PCDHA9: variants seen among roughly 807,000 people sequenced by gnomAD.
PCDHA9 encodes the protein protocadherin alpha-9.
In PCDHA9, 62 loss-of-function variants were observed where a neutral mutation model predicts 62.0. That is an observed-to-expected ratio of 1.00 (90% CI 0.81 to 1.23). The LOEUF is 1.23. Ranked by LOEUF, PCDHA9 falls within the 50% of genes most tolerant of loss-of-function variation. The pLI, the probability that PCDHA9 is intolerant of heterozygous loss-of-function variation, is 0.00. For synonymous variants in PCDHA9, 557 were observed against 567.6 expected (o/e 0.98, Z 0.27); for missense variants, 1,205 against 1,249.8 (o/e 0.96, Z 0.54).
intron 1 of PCDHA9, among the ~76,000 whole-genome samples, chr5:140,917,324 C>CGGGGGGCG (rs1299895515): frequency 1.3e-5 from 1 of 76,124 alleles, no homozygotes; most frequent in Non-Finnish European, 2.9e-5. Context: ...GTTCATGTGG[C>CGGGGGGCG]GGGGGAGGGG....
chr5:140,851,914 A>C (rs1213624827), intron 1 of PCDHA9: 2 of 969,578 alleles, frequency 2.1e-6, no homozygotes, highest in East Asian at 2.3e-4. Context: ...ATGTCACTAC[A>C]TGTTATGTTT....
chr5:140,978,571 A>G (rs891123704), intron 1 of PCDHA9, among the ~76,000 whole-genome samples: 5 of 152,208 alleles, frequency 3.3e-5, no homozygotes, highest in African/African-American at 1.2e-4. Flanking sequence ...TGTAATACTG[A>G]ATTGGGAATG....
At chr5:140,866,291 T>A (rs1193667769) in intron 1 of PCDHA9, 1 of 152,138 alleles carries the variant, frequency 6.6e-6, no homozygotes, top group Non-Finnish European at 1.5e-5. Flanking sequence ...TTGGGACAAG[T>A]ATAGATGTTG....
chr5:140,929,480 G>C, intron 1 of PCDHA9: 1 of 1,195,420 alleles, frequency 8.4e-7, no homozygotes, highest in Non-Finnish European at 1.1e-6. Context: ...TGGAAGTATA[G>C]AAGTATTAGA....
At chr5:140,997,044 T>C (rs2097756836) in intron 3 of PCDHA9, among the ~76,000 whole-genome samples, 1 of 152,180 alleles carries the variant, frequency 6.6e-6, no homozygotes, top group South Asian at 2.1e-4. Flanking sequence ...TGAACTTTAC[T>C]TTTTAGAGCA....
In PCDHA9 at chr5:140,961,349, T is replaced by C. The variant is rs1352312577; in HGVS notation, c.2395-17600T>C. Among the ~76,000 whole-genome samples the C allele has an allele frequency of 2.0e-5, 3 of 152,204 alleles. No individual in the cohort carries two copies. The East Asian group carries it at 5.8e-4, about 29-fold the overall frequency. On this transcript the variant is annotated intron_variant, in intron 1 of 3. Coordinates refer to ENST00000532602, the MANE Select transcript of PCDHA9 (RefSeq NM_031857.2). Reference sequence around the variant, plus strand: ...TTGAGAGACCAAGAGTGGATCCCTGTAGTCCCCATTAGAATTCTCCTTCTA... The same window carrying C: ...TTGAGAGACCAAGAGTGGATCCCTGCAGTCCCCATTAGAATTCTCCTTCTA...
intron 1 of PCDHA9, chr5:140,966,522 G>C (rs1350046535): frequency 2.3e-6 from 1 of 437,158 alleles, no homozygotes; most frequent in Non-Finnish European, 4.0e-6. Context: ...GCAGGAAGCC[G>C]AGCCGGGTTG....
chr5:140,934,706 T>G (rs141577289), intron 1 of PCDHA9, among the ~76,000 whole-genome samples: 348 of 152,292 alleles, frequency 2.3e-3, no homozygotes, highest in African/African-American at 8.1e-3. Context: ...CCTGGCCATC[T>G]TACAAAAAGG....
intron 1 of PCDHA9, among the ~76,000 whole-genome samples, chr5:140,953,639 AG>A (rs1227582024): frequency 6.6e-6 from 1 of 152,152 alleles, no homozygotes; most frequent in African/African-American, 2.4e-5. Context: ...TATTTTGGCC[AG>A]GAGCTATAGT....
chr5:140,950,100 A>G (rs964595718), intron 1 of PCDHA9, among the ~76,000 whole-genome samples: 1 of 151,910 alleles, frequency 6.6e-6, no homozygotes, highest in Non-Finnish European at 1.5e-5. Flanking sequence ...CATTTGTATT[A>G]AATCTCATAC....
chr5:140,967,907 A>C (rs1311525554), intron 1 of PCDHA9: 1 of 1,614,180 alleles, frequency 6.2e-7, no homozygotes, highest in Non-Finnish European at 8.5e-7. Flanking sequence ...TGCTACACCC[A>C]ACACCATTGT....
rs533343357 is a variant in PCDHA9, at chr5:140,856,093, C to G, written c.2394+5204C>G. 1.3e-6 allele frequency: 2 copies of G among 1,597,146 alleles called. 1 individual carries two copies. Among genetic ancestry groups the G allele is most frequent in the Non-Finnish European group, 1.7e-6 (2 of 1,166,952 alleles). On this transcript the variant is annotated intron_variant, in intron 1 of 3. Transcript: ENST00000532602. ...GCCTGGGGGTCCAGTGTCTGCTGCT[C>G]TCGCTTCTTCTCCTCGCAGCCTGGG... is the stretch of plus-strand genomic sequence containing the variant.
At chr5:140,864,698 T>A (rs2048569561) in intron 1 of PCDHA9, 1 of 152,250 alleles carries the variant, frequency 6.6e-6, no homozygotes, top group African/African-American at 2.4e-5. Flanking sequence ...CCAGTTTAAG[T>A]TGTTGAGCTC....
intron 1 of PCDHA9, chr5:140,967,561 G>T: frequency 6.2e-7 from 1 of 1,614,076 alleles, no homozygotes; most frequent in Non-Finnish European, 8.5e-7. Flanking sequence ...ATCGCGTCCA[G>T]CTACGGGAGG....
At chr5:140,988,471 G>A (rs1442408975) in intron 3 of PCDHA9, among the ~76,000 whole-genome samples, 1 of 152,078 alleles carries the variant, frequency 6.6e-6, no homozygotes, top group Non-Finnish European at 1.5e-5. Context: ...TGTGGGAAGG[G>A]GAATTAGCAT....
chr5:140,877,737 G>A, intron 1 of PCDHA9: 6 of 1,614,176 alleles, frequency 3.7e-6, no homozygotes, highest in Non-Finnish European at 5.1e-6. Flanking sequence ...AGCAGAGGAG[G>A]CAGAGGGTGT....
At chr5:140,954,396 C>T (rs894225724) in intron 1 of PCDHA9, among the ~76,000 whole-genome samples, 3 of 152,176 alleles carry the variant, frequency 2.0e-5, no homozygotes, top group Admixed American at 1.3e-4. Context: ...TTTACAACCC[C>T]ACCAACAGGG....
At chr5:140,969,982 G>T (rs1327490843) in intron 1 of PCDHA9, among the ~76,000 whole-genome samples, 1 of 152,184 alleles carries the variant, frequency 6.6e-6, no homozygotes, top group Non-Finnish European at 1.5e-5. Flanking sequence ...CAACTCTTCT[G>T]TAGAGGGCTG....
At chr5:140,973,586 C>T (rs1207651483) in intron 1 of PCDHA9, among the ~76,000 whole-genome samples, 2 of 152,176 alleles carry the variant, frequency 1.3e-5, no homozygotes, top group African/African-American at 4.8e-5. Context: ...GACTGCTGAG[C>T]CAGATGGAAT....
Sources: gnomAD v4.1 joint callset for allele counts (sites outside exome capture counted in the v4.1 genomes callset) on GRCh38, gnomAD v4.1.1 for gene constraint, MANE v1.5 for transcripts, NCBI Gene and HGNC (gene_info 2026-07-23, HGNC 2026-07-21) for gene names.